KIAA1217: variants seen among roughly 807,000 people sequenced by gnomAD.
KIAA1217 encodes sickle tail protein homolog.
Under a neutral mutation model 163.9 loss-of-function variants are expected in KIAA1217, and 88 were observed. The observed-to-expected ratio is 0.54, with a 90% CI of 0.45 to 0.64. The LOEUF (loss-of-function observed/expected upper bound fraction) is 0.64. KIAA1217 is among the 30% of genes least tolerant of loss of function. KIAA1217 has a pLI of 0.00. For synonymous variants in KIAA1217, 903 were observed against 923.1 expected (o/e 0.98, Z 0.39); for missense variants, 2,372 against 2,475.0 (o/e 0.96, Z 0.88).
At chr10:23,903,117 C>A (rs940484760) in intron 1 of KIAA1217, among the ~76,000 whole-genome samples, 2 of 152,064 alleles carry the variant, frequency 1.3e-5, no homozygotes, top group Non-Finnish European at 2.9e-5. Context: ...TTAGCCCGCA[C>A]AAATACTGGA....
At chr10:24,275,247 G>A (rs1293362916) in intron 2 of KIAA1217, among the ~76,000 whole-genome samples, 1 of 152,172 alleles carries the variant, frequency 6.6e-6, no homozygotes, top group Non-Finnish European at 1.5e-5. Flanking sequence ...CTCCCAAAGT[G>A]CTGGGATTTC....
Position 24,536,017 on chromosome 10 carries a change from C to T in KIAA1217, c.3415-757C>T, listed in dbSNP as rs1352067815. Among the ~76,000 whole-genome samples the T allele has an allele frequency of 3.3e-5, 5 of 152,030 alleles. No homozygotes were observed. The East Asian group carries it at 9.7e-4, about 29-fold the overall frequency. ...TGGGTCCCTGAGTTACCAGTCTCTC[C>T]TTCTCTCATGATCATATTATCTGGG... On this transcript the variant is annotated intron_variant, in intron 16 of 20. Coordinates refer to ENST00000376454, the MANE Select transcript of KIAA1217 (RefSeq NM_019590.5).
rs556300421 is a variant in KIAA1217 at position 24,459,923 on chromosome 10, C to T, written c.847-13305C>T. ...TACAACCTGAGCAACAGAATGAGAC[C>T]CTGTCTCTTTAAAACTAAAAAAAGT... is the stretch of plus-strand genomic sequence containing the variant. On this transcript the variant is annotated intron_variant, in intron 5 of 20. Transcript: ENST00000376454. Among the ~76,000 whole-genome samples, 6 of 152,120 alleles carry T rather than the reference C, an allele frequency of 3.9e-5. No individual in the cohort carries two copies. The South Asian group carries it at 1.2e-3, about 32-fold the overall frequency.
At chr10:24,422,391 G>T (rs933652807) in intron 3 of KIAA1217, among the ~76,000 whole-genome samples, 1 of 152,156 alleles carries the variant, frequency 6.6e-6, no homozygotes, top group South Asian at 2.1e-4. Flanking sequence ...TTCAGATACA[G>T]TTATAGCATA....
intron 2 of KIAA1217, among the ~76,000 whole-genome samples, chr10:24,259,272 T>C (rs1035129751): frequency 6.6e-6 from 1 of 152,122 alleles, no homozygotes; most frequent in Admixed American, 6.6e-5. Flanking sequence ...ACTGAAACCA[T>C]GTTTGCCAGA....
chr10:24,338,291 T>C (rs766044590), intron 2 of KIAA1217, among the ~76,000 whole-genome samples: 3 of 152,234 alleles, frequency 2.0e-5, no homozygotes, highest in Non-Finnish European at 2.9e-5. Context: ...CATATATCTA[T>C]GCAGGTGCAT....
chr10:24,501,684 AG>A (rs1264151463), intron 9 of KIAA1217, 139 bp downstream of exon 9: 4 of 499,476 alleles, frequency 8.0e-6, no homozygotes, highest in Non-Finnish European at 1.3e-5. Flanking sequence ...ACACAATCCA[AG>A]TCTAGAGCCT....
intron 1 of KIAA1217, among the ~76,000 whole-genome samples, chr10:23,779,494 G>C (rs570798895): frequency 6.6e-6 from 1 of 152,240 alleles, no homozygotes; most frequent in South Asian, 2.1e-4. Flanking sequence ...AATGTTTTCG[G>C]TCAAGGCCAG....
At chr10:24,154,190 C>A (rs1249793584) in intron 2 of KIAA1217, among the ~76,000 whole-genome samples, 1 of 151,888 alleles carries the variant, frequency 6.6e-6, no homozygotes, top group Non-Finnish European at 1.5e-5. Context: ...ATCTCCTGAC[C>A]TCGTGATCCG....
chr10:24,496,448 G>T (rs2066795972), intron 8 of KIAA1217, among the ~76,000 whole-genome samples: 1 of 152,198 alleles, frequency 6.6e-6, no homozygotes, highest in Non-Finnish European at 1.5e-5. Context: ...AATACTAAAA[G>T]CTCCCATCCT....
At chr10:23,991,227 A>G (rs1462864731) in intron 1 of KIAA1217, among the ~76,000 whole-genome samples, 3 of 152,198 alleles carry the variant, frequency 2.0e-5, no homozygotes, top group Non-Finnish European at 2.9e-5. Context: ...CCCTGCTCCC[A>G]TGCAGCCACT....
At chr10:23,893,454 T>A (rs1178889120) in intron 1 of KIAA1217, among the ~76,000 whole-genome samples, 1 of 148,932 alleles carries the variant, frequency 6.7e-6, no homozygotes, top group Non-Finnish European at 1.5e-5. Flanking sequence ...TCCTGGATTC[T>A]TTAATTTTTT....
chr10:23,945,320 GC>G (rs1843975468), intron 1 of KIAA1217, among the ~76,000 whole-genome samples: 2 of 152,244 alleles, frequency 1.3e-5, no homozygotes, highest in South Asian at 4.1e-4. Context: ...ATTGATACCT[GC>G]AACCACGTGG....
At chr10:24,105,132 C>T (rs1020819053) in intron 2 of KIAA1217, among the ~76,000 whole-genome samples, 2 of 151,988 alleles carry the variant, frequency 1.3e-5, no homozygotes, top group Non-Finnish European at 2.9e-5. Context: ...TGCATGCCAA[C>T]TAACTAGAAT....
intron 1 of KIAA1217, among the ~76,000 whole-genome samples, chr10:23,985,314 T>G (rs1251122020): frequency 1.3e-5 from 2 of 152,196 alleles, no homozygotes; most frequent in African/African-American, 4.8e-5. Flanking sequence ...GTCCTAGAAT[T>G]TCTGGACTCT....
intron 5 of KIAA1217, among the ~76,000 whole-genome samples, chr10:24,461,516 G>A (rs2062407026): frequency 6.6e-6 from 1 of 151,964 alleles, no homozygotes; most frequent in Non-Finnish European, 1.5e-5. Context: ...TACCATGACT[G>A]GCTAGTTTTT....
intron 1 of KIAA1217, among the ~76,000 whole-genome samples, chr10:23,893,940 C>T (rs1258985472): frequency 6.6e-6 from 1 of 151,832 alleles, no homozygotes; most frequent in Non-Finnish European, 1.5e-5. Flanking sequence ...AATTCAACAA[C>T]CCTTCATGCT....
At position 24,531,735 on chromosome 10, in the gene KIAA1217, T is replaced by C. The variant is rs1362870911; in HGVS notation, c.3083-95T>C. ...CTCTATGGAGAGAACAGAAAATTTT[T>C]AAATCAGATTGCATTGGGTTTGTAG... On this transcript the variant is annotated intron_variant, in intron 14 of 20. Coordinates refer to ENST00000376454, the MANE Select transcript of KIAA1217 (RefSeq NM_019590.5). The C allele has an allele frequency of 4.0e-6, 5 of 1,258,198 alleles. No homozygotes were observed. The African/African-American group carries it at 7.6e-5, about 19-fold the overall frequency. 77.9% of individuals were successfully genotyped at this position (1,258,198 alleles called of 1,614,324 possible).
chr10:24,227,170 T>TATTATC (rs1554920609), intron 2 of KIAA1217, among the ~76,000 whole-genome samples: 5 of 141,538 alleles, frequency 3.5e-5, no homozygotes, highest in African/African-American at 1.3e-4. Flanking sequence ...TTATTATCAT[T>TATTATC]ATTTTGAGAC....
Sources: gnomAD v4.1 joint callset for allele counts (sites outside exome capture counted in the v4.1 genomes callset) on GRCh38, gnomAD v4.1.1 for gene constraint, MANE v1.5 for transcripts, NCBI Gene and HGNC (gene_info 2026-07-23, HGNC 2026-07-21) for gene names.